LIN54: variants seen among roughly 807,000 people sequenced by gnomAD.
LIN54 encodes lin-54 DREAM MuvB core complex component.
Under a neutral mutation model 78.7 loss-of-function variants are expected in LIN54, and 9 were observed. That is an observed-to-expected ratio of 0.11 (90% confidence interval 0.07 to 0.20). LIN54 has a LOEUF of 0.20. LIN54 is among the 10% of genes least tolerant of loss of function. LIN54 has a pLI of 1.00. For synonymous variants in LIN54, 269 were observed against 318.4 expected (o/e 0.84, Z 1.65); for missense variants, 573 against 889.9 (o/e 0.64, Z 4.53).
At chr4:83,010,866 C>G, upstream of LIN54, 1 of 1,209,856 alleles carries the variant, frequency 8.3e-7, no homozygotes, top group Non-Finnish European at 1.0e-6. Context: ...CCGCCCCACC[C>G]GGGAGGCGCA....
In LIN54 at chr4:82,991,206, A is replaced by G. The variant is rs554968000; in HGVS notation, c.-32-6330T>C. ...ATGGAAAATTGTCTCCCAAATAACT[A>G]TATCTTATTTATGTTAGCAATGTTG... On this transcript the variant is annotated intron_variant, in intron 1 of 12. Transcript: ENST00000340417. 6.0e-5 allele frequency among the ~76,000 whole-genome samples: 9 copies of G among 150,738 alleles called. No individual in the cohort carries two copies. The South Asian group carries it at 8.4e-4, about 14-fold the overall frequency.
At chr4:82,974,896 G>A (rs1297273407) in intron 3 of LIN54, among the ~76,000 whole-genome samples, 1 of 151,858 alleles carries the variant, frequency 6.6e-6, no homozygotes. Flanking sequence ...TACAAAAGTG[G>A]GATGGTGGCT....
chr4:82,958,260 C>G (rs1339655134), intron 4 of LIN54, among the ~76,000 whole-genome samples: 3 of 152,192 alleles, frequency 2.0e-5, no homozygotes, highest in Admixed American at 2.0e-4. Context: ...GATGATTATT[C>G]TACAGACTGC....
intron 1 of LIN54, among the ~76,000 whole-genome samples, chr4:82,990,410 G>C (rs1481730345): frequency 3.3e-5 from 5 of 152,154 alleles, no homozygotes; most frequent in African/African-American, 9.7e-5. Flanking sequence ...GAAGACACAG[G>C]GGGGTCCAGG....
intron 4 of LIN54, among the ~76,000 whole-genome samples, chr4:82,964,901 G>A (rs549241689): frequency 6.6e-6 from 1 of 152,182 alleles, no homozygotes; most frequent in African/African-American, 2.4e-5. Context: ...GGGAAGCTGA[G>A]GCAGGAGAAT....
intron 4 of LIN54, among the ~76,000 whole-genome samples, chr4:82,956,144 T>G (rs1724309828): frequency 6.6e-6 from 1 of 152,000 alleles, no homozygotes; most frequent in African/African-American, 2.4e-5. Flanking sequence ...AGAAATGGGT[T>G]TTTGCCATGT....
chr4:82,976,194 G>A (rs1353234787), intron 3 of LIN54, among the ~76,000 whole-genome samples: 2 of 152,124 alleles, frequency 1.3e-5, no homozygotes, highest in Non-Finnish European at 2.9e-5. Context: ...TGCTAAGAAA[G>A]CACTGGCATT....
At chr4:82,932,831 A>AT (rs1000463919) in intron 11 of LIN54, among the ~76,000 whole-genome samples, 5 of 151,252 alleles carry the variant, frequency 3.3e-5, no homozygotes, top group South Asian at 2.1e-4. Flanking sequence ...ATCTCAAAAA[A>AT]ATATATATAT....
At chr4:82,956,654 G>A (rs984440052) in intron 4 of LIN54, among the ~76,000 whole-genome samples, 2 of 151,870 alleles carry the variant, frequency 1.3e-5, no homozygotes, top group Non-Finnish European at 2.9e-5. Context: ...GACCCCACAG[G>A]TATTCAATCA....
intron 1 of LIN54, among the ~76,000 whole-genome samples, chr4:83,004,061 CAGA>C (rs2126112511): frequency 6.6e-6 from 1 of 152,218 alleles, no homozygotes; most frequent in South Asian, 2.1e-4. Context: ...CATTCAAACA[CAGA>C]AGAGTGGTGT....
At position 82,992,839 on chromosome 4, in the gene LIN54, T is replaced by C. The variant is rs545006484; in HGVS notation, c.-32-7963A>G. 4.6e-3 allele frequency among the ~76,000 whole-genome samples: 702 copies of C among 151,340 alleles called. 5 individuals carry two copies. The highest frequency in any genetic ancestry group is 6.8e-3 in the Middle Eastern group (2 of 294). On this transcript the variant is annotated intron_variant, in intron 1 of 12. Transcript: ENST00000340417. ...GTCAGGAGATTGAGACCATCCTGGT[T>C]AACACGGTGAAACCCCGTCTCTACT...
upstream of LIN54, chr4:83,012,099 G>A: frequency 1.1e-6 from 1 of 878,046 alleles, no homozygotes; most frequent in Non-Finnish European, 1.4e-6. Context: ...CCCAATTGCT[G>A]TTTTTATATG....
chr4:83,004,478 T>C (rs1226072161), intron 1 of LIN54, among the ~76,000 whole-genome samples: 1 of 151,670 alleles, frequency 6.6e-6, no homozygotes, highest in Non-Finnish European at 1.5e-5. Context: ...GTATATTCAC[T>C]ATGGAAAGAA....
intron 4 of LIN54, among the ~76,000 whole-genome samples, chr4:82,967,691 A>C (rs140835761): frequency 2.5e-3 from 385 of 152,296 alleles, no homozygotes; most frequent in African/African-American, 8.9e-3. Context: ...TGTGGCAATA[A>C]CCCACAGGAA....
Position 82,947,235 on chromosome 4 carries a change from A to ATATATATTTTTT in LIN54, c.952-762_952-761insAAAAAATATATA. Among the ~76,000 whole-genome samples, 342 of 44,242 alleles carry ATATATATTTTTT rather than the reference A, an allele frequency of 7.7e-3. 5 individuals carry two copies. The highest frequency in any genetic ancestry group is 0.038 in the Middle Eastern group (1 of 26). The allele number at this position is 44,242 out of a possible 152,430, so 29.0% of individuals were successfully genotyped here. ...TATATATATATATATATATATATAT[A>ATATATATTTTTT]TTTTTTTTTTTTTTGAAGACAGGGT... On this transcript the variant is annotated intron_variant, in intron 4 of 12. Coordinates refer to ENST00000340417, the MANE Select transcript of LIN54 (RefSeq NM_194282.4).
In LIN54 at chr4:82,951,258, C is replaced by CTG. The variant is rs1723821781; in HGVS notation, c.952-4785_952-4784insCA. ...TCTTAAGATGCACGAGAACATTCAG[C>CTG]ACTGATGTATTGACTGGTGAAATAT... On this transcript the variant is annotated intron_variant, in intron 4 of 12. Coordinates refer to ENST00000340417, the MANE Select transcript of LIN54 (RefSeq NM_194282.4). Among the ~76,000 whole-genome samples, 13 of 152,252 alleles carry CTG rather than the reference C, an allele frequency of 8.5e-5. No individual in the cohort carries two copies. In the South Asian group the frequency reaches 1.0e-3, roughly 12 times the overall value.
intron 10 of LIN54, 52 bp downstream of exon 10, chr4:82,936,227 A>C (rs1303975069): frequency 3.9e-6 from 6 of 1,523,274 alleles, no homozygotes; most frequent in Non-Finnish European, 5.4e-6. Context: ...AGTTTTATAA[A>C]ACTGATGAAA....
Position 82,925,683 on chromosome 4 carries a change from G to C in LIN54, c.*2419C>G. 6.6e-6 allele frequency: 1 copy of C among 151,628 alleles called. No individual in the cohort carries two copies. The highest frequency in any genetic ancestry group is 1.9e-4 in the East Asian group (1 of 5,180). 9.4% of individuals were successfully genotyped at this position (151,628 alleles called of 1,614,324 possible). A position where few individuals can be genotyped will look rare whatever the true frequency, so the allele number is the denominator to read the frequency against. Reference sequence around the variant, plus strand: ...TGCATATTAAATGGTTAATAAAGTGGTGTTATTATACTAAAGAAAAAATGC... The same window carrying C: ...TGCATATTAAATGGTTAATAAAGTGCTGTTATTATACTAAAGAAAAAATGC... On this transcript the variant is annotated 3_prime_UTR_variant, in exon 13 of 13. Coordinates refer to ENST00000340417, the MANE Select transcript of LIN54 (RefSeq NM_194282.4).
At chr4:82,933,870 A>G (rs1473201875) in intron 11 of LIN54, among the ~76,000 whole-genome samples, 2 of 152,192 alleles carry the variant, frequency 1.3e-5, no homozygotes, top group East Asian at 1.9e-4. Context: ...TATGCCCAGC[A>G]TGTATTGATT....
Sources: gnomAD v4.1 joint callset for allele counts (sites outside exome capture counted in the v4.1 genomes callset) on GRCh38, gnomAD v4.1.1 for gene constraint, MANE v1.5 for transcripts, NCBI Gene and HGNC (gene_info 2026-07-23, HGNC 2026-07-21) for gene names.